Variants in TMEM181 observed in about 807,000 individuals in gnomAD.
TMEM181 encodes transmembrane protein 181.
Under a neutral mutation model 71.9 loss-of-function variants are expected in TMEM181, and 39 were observed. That is an observed-to-expected ratio of 0.54 (90% CI 0.42 to 0.71). TMEM181 has a LOEUF of 0.71. Ranked by LOEUF, TMEM181 falls within the 30% of genes least tolerant of loss-of-function variation. The pLI is 0.00. For synonymous variants in TMEM181, 245 were observed against 228.8 expected, an observed-to-expected ratio of 1.07 and a Z score of -0.64; for missense variants, 595 against 583.0, an observed-to-expected ratio of 1.02 and a Z score of -0.21.
At chr6:158,540,695 C>T (rs1184970213) in intron 1 of TMEM181, among the ~76,000 whole-genome samples, 2 of 150,940 alleles carry the variant, frequency 1.3e-5, no homozygotes, top group African/African-American at 2.4e-5. Flanking sequence ...GCATGAGAAT[C>T]GCTTGAACCC....
At chr6:158,547,027 A>G (rs1215213795) in intron 1 of TMEM181, among the ~76,000 whole-genome samples, 1 of 152,166 alleles carries the variant, frequency 6.6e-6, no homozygotes, top group African/African-American at 2.4e-5. Context: ...CACGCCTGTA[A>G]TCCCAGCACT....
intron 5 of TMEM181, among the ~76,000 whole-genome samples, chr6:158,586,239 TC>T (rs916632418): frequency 6.6e-6 from 1 of 152,180 alleles, no homozygotes; most frequent in African/African-American, 2.4e-5. Context: ...CAGAACCAGA[TC>T]CCTGCTAGAG....
chr6:158,539,075 G>C (rs1781243272), intron 1 of TMEM181, among the ~76,000 whole-genome samples: 1 of 152,190 alleles, frequency 6.6e-6, no homozygotes, highest in Non-Finnish European at 1.5e-5. Context: ...TTGGCTGCCT[G>C]TACTACAGCA....
At chr6:158,559,922 C>G (rs1322765743), upstream of TMEM181, among the ~76,000 whole-genome samples, 1 of 152,236 alleles carries the variant, frequency 6.6e-6, no homozygotes, top group Admixed American at 6.5e-5. Context: ...TGAGCCCCAG[C>G]TCAGGGCTAG....
At chr6:158,561,406 A>G (rs1431391714) in intron 1 of TMEM181, among the ~76,000 whole-genome samples, 1 of 152,256 alleles carries the variant, frequency 6.6e-6, no homozygotes, top group Non-Finnish European at 1.5e-5. Flanking sequence ...GCACAACTCC[A>G]GAGGGCAAGA....
At chr6:158,549,638 G>T (rs1781655487) in intron 1 of TMEM181, among the ~76,000 whole-genome samples, 2 of 152,212 alleles carry the variant, frequency 1.3e-5, no homozygotes, top group Admixed American at 1.3e-4. Context: ...TCCACAGTAA[G>T]CTCTGTGCGT....
At chr6:158,538,592 C>G (rs976291309) in intron 1 of TMEM181, among the ~76,000 whole-genome samples, 1 of 152,164 alleles carries the variant, frequency 6.6e-6, no homozygotes, top group Non-Finnish European at 1.5e-5. Context: ...ATTCACTGAC[C>G]AATGTATTCA....
At position 158,634,071 on chromosome 6, in the gene TMEM181, T is replaced by C. The variant is rs1466737466; in HGVS notation, c.*2183T>C. 2 of 152,244 alleles carry C rather than the reference T, an allele frequency of 1.3e-5. No homozygotes were observed. Among genetic ancestry groups the C allele is most frequent in the South Asian group, 2.1e-4 (1 of 4,836 alleles). 9.4% of individuals were successfully genotyped at this position (152,244 alleles called of 1,614,324 possible). On this transcript the variant is annotated 3_prime_UTR_variant, in exon 17 of 17. Coordinates refer to ENST00000684151, the MANE Select transcript of TMEM181 (RefSeq NM_001376852.1). ...TGTAATTATAAACTGATGACTATTA[T>C]CTTCATACATTGAGTCTTCATGCAT...
intron 6 of TMEM181, among the ~76,000 whole-genome samples, chr6:158,590,612 T>C (rs756804846): frequency 1.3e-5 from 2 of 152,128 alleles, no homozygotes; most frequent in Admixed American, 6.5e-5. Flanking sequence ...TACAAGTGTG[T>C]GCCACCATGC....
At chr6:158,595,060 G>GA (rs1301879604) in intron 6 of TMEM181, among the ~76,000 whole-genome samples, 3 of 152,182 alleles carry the variant, frequency 2.0e-5, no homozygotes, top group Non-Finnish European at 4.4e-5. Flanking sequence ...CCTTTTCTTA[G>GA]AGAGTGAAAG....
chr6:158,605,169 T>A, intron 6 of TMEM181, 98 bp from the exon 7 acceptor site: 1 of 873,650 alleles, frequency 1.1e-6, no homozygotes. Flanking sequence ...TATGTGTATA[T>A]ATTGTCTCAT....
chr6:158,591,201 C>T (rs981094104), intron 6 of TMEM181, among the ~76,000 whole-genome samples: 3 of 152,146 alleles, frequency 2.0e-5, no homozygotes, highest in African/African-American at 7.2e-5. Context: ...TGCAGGCGGC[C>T]GTCTCCTCCC....
intron 5 of TMEM181, among the ~76,000 whole-genome samples, chr6:158,588,282 G>C (rs1783897206): frequency 6.6e-6 from 1 of 152,250 alleles, no homozygotes; most frequent in African/African-American, 2.4e-5. Flanking sequence ...CTGCTAGTGG[G>C]CTGAAGTGTT....
At position 158,580,960 on chromosome 6, in the gene TMEM181, TCTG is replaced by T. The variant is rs1281829844; in HGVS notation, c.135_137del (p.Ala47del). The T allele has an allele frequency of 6.2e-7, 1 of 1,609,720 alleles. No individual in the cohort carries two copies. Among genetic ancestry groups the T allele is most frequent in the East Asian group, 2.2e-5 (1 of 44,798 alleles). ...TTTAGGACCTAAAGTGATCCAGACT[TCTG>T]CGGCTAATTTTTCACTAAATAATAG... On this transcript the variant is annotated inframe_deletion, in exon 3 of 17. Transcript: ENST00000684151.
chr6:158,608,431 T>C lies in TMEM181; in HGVS notation c.772T>C (p.Trp258Arg), dbSNP rs761958667. Residue 258 changes from tryptophan (W) to arginine (R), a missense_variant, in exon 9 of 17, where the codon TGG becomes CGG. Coordinates refer to ENST00000684151, the MANE Select transcript of TMEM181 (RefSeq NM_001376852.1). The part of the protein sequence containing the change: ...SMFLCALLLF[W>R]LCVYHGIRVQ... ...GTTCCTGTGCGCCCTGCTGCTCTTC[T>C]GGCTGTGCGTGTACCACGGGATTCG... 6.2e-7 allele frequency: 1 copy of C among 1,614,212 alleles called. No individual in the cohort carries two copies. The highest frequency in any genetic ancestry group is 2.2e-5 in the East Asian group (1 of 44,880).
At chr6:158,589,603 T>C (rs772904818) in intron 5 of TMEM181, 69 bp from the exon 6 acceptor site, 1 of 1,215,458 alleles carries the variant, frequency 8.2e-7, no homozygotes, top group Non-Finnish European at 1.2e-6. Flanking sequence ...AACGTGTTAC[T>C]TCATGGGTTA....
intron 6 of TMEM181, among the ~76,000 whole-genome samples, chr6:158,599,629 G>T (rs537747223): frequency 5.2e-4 from 79 of 152,328 alleles, no homozygotes; most frequent in African/African-American, 1.8e-3. Flanking sequence ...AGTGGACCTG[G>T]CAGTGCCCAC....
chr6:158,584,653 G>A (rs12196533), intron 4 of TMEM181, among the ~76,000 whole-genome samples: 33,501 of 152,148 alleles, frequency 0.22, 4,107 homozygotes, highest in Middle Eastern at 0.29. Flanking sequence ...TCTGTTCTGT[G>A]CCTCACATGA....
intron 12 of TMEM181, 114 bp from the exon 13 acceptor site, chr6:158,625,589 G>C: frequency 5.3e-6 from 5 of 949,742 alleles, no homozygotes; most frequent in Non-Finnish European, 7.9e-6. Context: ...GCTAAGTCTG[G>C]AGGGAGGAGC....
Sources: allele counts gnomAD v4.1 joint callset (sites outside exome capture counted in the v4.1 genomes callset), GRCh38; gene constraint gnomAD v4.1.1; transcripts MANE v1.5; gene names NCBI Gene and HGNC (gene_info 2026-07-23, HGNC 2026-07-21).